OCIAD1: variants seen among roughly 807,000 people sequenced by gnomAD.
OCIAD1 encodes the protein OCIA domain containing 1.
OCIAD1 carries 29 observed loss-of-function variants against 38.9 expected under a neutral mutation model. That is an observed-to-expected ratio of 0.74 (90% CI 0.55 to 1.02). OCIAD1 has a LOEUF of 1.02. Ranked by LOEUF, OCIAD1 falls within the 50% of genes least tolerant of loss-of-function variation. OCIAD1 has a pLI of 0.00. For synonymous variants in OCIAD1, 110 were observed against 92.0 expected, an observed-to-expected ratio of 1.20 and a Z score of -1.12; for missense variants, 288 against 289.6, an observed-to-expected ratio of 0.99 and a Z score of 0.04.
chr4:48,843,045 G>A (rs1778673420), intron 4 of OCIAD1, among the ~76,000 whole-genome samples: 1 of 152,128 alleles, frequency 6.6e-6, no homozygotes, highest in African/African-American at 2.4e-5. Context: ...TAACAAATTC[G>A]AAGTGATTCT....
chr4:48,841,523 A>G (rs1398138532), intron 3 of OCIAD1, among the ~76,000 whole-genome samples: 1 of 152,152 alleles, frequency 6.6e-6, no homozygotes, highest in African/African-American at 2.4e-5. Flanking sequence ...CACAGTTTTT[A>G]TTGGGGGCTG....
chr4:48,816,365 G>C (rs1447436548), intron 1 of OCIAD1, among the ~76,000 whole-genome samples: 1 of 152,106 alleles, frequency 6.6e-6, no homozygotes, highest in Non-Finnish European at 1.5e-5. Context: ...AAGAGATTGA[G>C]ACCATCCTGG....
chr4:48,860,766 A>G lies in OCIAD1; in HGVS notation c.*4A>G, dbSNP rs1380457753. 4 of 1,602,658 alleles carry G rather than the reference A, an allele frequency of 2.5e-6. No individual in the cohort carries two copies. Among genetic ancestry groups the G allele is most frequent in the Non-Finnish European group, 3.4e-6 (4 of 1,170,534 alleles). ...TGGAGATACTTGGGATGAGTGAAAA[A>G]TTACATCATTGGACATGAAGGAGTT... On this transcript the variant is annotated 3_prime_UTR_variant, in exon 9 of 9. Transcript: ENST00000264312.
chr4:48,815,284 C>T (rs114366617), intron 1 of OCIAD1, among the ~76,000 whole-genome samples: 2,706 of 151,940 alleles, frequency 0.018, 74 homozygotes, highest in African/African-American at 0.058. Context: ...CACTCCAGCC[C>T]GGGGAACAGT....
At chr4:48,814,874 T>A (rs1777129576) in intron 1 of OCIAD1, among the ~76,000 whole-genome samples, 2 of 152,216 alleles carry the variant, frequency 1.3e-5, no homozygotes, top group Non-Finnish European at 2.9e-5. Flanking sequence ...ATATTCATAC[T>A]GACACATGGG....
rs141102948 is a variant in OCIAD1, at chr4:48,806,852, C to T, written c.-103+1522C>T. Among the ~76,000 whole-genome samples, 1,459 of 152,334 alleles carry T rather than the reference C, an allele frequency of 9.6e-3. 17 individuals carry two copies. The highest frequency in any genetic ancestry group is 0.014 in the Non-Finnish European group (959 of 68,030). ...ATCTCTTGACCTTGTGATCCACCCACCTCGGCCTCCCGAAGTGCTGGGATT... is the reference window on the plus strand; with the variant it reads ...ATCTCTTGACCTTGTGATCCACCCATCTCGGCCTCCCGAAGTGCTGGGATT... On this transcript the variant is annotated intron_variant, in intron 1 of 6. Transcript: ENST00000504654.
chr4:48,851,329 T>G (rs1779436303), intron 6 of OCIAD1, among the ~76,000 whole-genome samples: 1 of 152,236 alleles, frequency 6.6e-6, no homozygotes, highest in Non-Finnish European at 1.5e-5. Flanking sequence ...TCAGGACTTT[T>G]TAAAAGTGTT....
chr4:48,848,261 G>T, intron 4 of OCIAD1, 138 bp from the exon 5 acceptor site: 1 of 442,426 alleles, frequency 2.3e-6, no homozygotes, highest in Non-Finnish European at 4.0e-6. Context: ...AATTCATTTG[G>T]TTTTCCCTAT....
rs1482739987 is a variant in OCIAD1, at chr4:48,842,670, T to C, written c.174T>C (p.Thr58=). The C allele has an allele frequency of 6.4e-7, 1 of 1,566,946 alleles. No individual in the cohort carries two copies. The highest frequency in any genetic ancestry group is 8.7e-7 in the Non-Finnish European group (1 of 1,154,752). The change falls in exon 4 of 9, where the codon ACT becomes ACC. Residue 58 remains threonine, a synonymous_variant. Coordinates refer to ENST00000264312, the MANE Select transcript of OCIAD1 (RefSeq NM_017830.4). ...TGGCTGCAACAAGTATGTTGATTACTCAAGGATTAATTAGTAAAGGTAAAT... is the reference window on the plus strand; with the variant it reads ...TGGCTGCAACAAGTATGTTGATTACCCAAGGATTAATTAGTAAAGGTAAAT... ...VPLAATSMLI[T]QGLISKGILS...
At position 48,860,731 on chromosome 4, in the gene OCIAD1, T is replaced by C. The variant is rs1184821376; in HGVS notation, c.707T>C (p.Val236Ala). ...ATTTATGCTTTTTTCCTAGTCAAAG[T>C]AAACAAGTATGGAGATACTTGGGAT... is the stretch of plus-strand genomic sequence containing the variant. ...HERVPKKEVK[V>A]NKYGDTWDE Residue 236 changes from valine (V) to alanine (A), a missense_variant, in exon 9 of 9, where the codon GTA becomes GCA. By Grantham distance (64) the Val-to-Ala change is moderately conservative. Coordinates refer to ENST00000264312, the MANE Select transcript of OCIAD1 (RefSeq NM_017830.4). 1.9e-6 allele frequency: 3 copies of C among 1,599,286 alleles called. No individual in the cohort carries two copies. The highest frequency in any genetic ancestry group is 2.2e-5 in the South Asian group (2 of 90,318).
At chr4:48,826,745 C>A (rs942112803), upstream of OCIAD1, among the ~76,000 whole-genome samples, 3 of 151,984 alleles carry the variant, frequency 2.0e-5, no homozygotes, top group Non-Finnish European at 2.9e-5. Context: ...CAAAAAATAA[C>A]CTTCATCCAT....
At chr4:48,835,610 A>T (rs912768651) in intron 3 of OCIAD1, among the ~76,000 whole-genome samples, 24 of 151,960 alleles carry the variant, frequency 1.6e-4, no homozygotes, top group African/African-American at 5.1e-4. Context: ...TTTGTTTTTT[A>T]TTTTTGTAGA....
At chr4:48,819,086 A>T (rs1476811841) in intron 1 of OCIAD1, among the ~76,000 whole-genome samples, 1 of 151,812 alleles carries the variant, frequency 6.6e-6, no homozygotes, top group East Asian at 1.9e-4. Context: ...CCACTAAGAC[A>T]CTCCTCAAGA....
chr4:48,854,259 G>A (rs1438830430), intron 7 of OCIAD1, among the ~76,000 whole-genome samples: 3 of 152,192 alleles, frequency 2.0e-5, no homozygotes, highest in Admixed American at 6.5e-5. Flanking sequence ...TAACAGGCAT[G>A]TAGTGTAGAC....
At chr4:48,857,143 T>G (rs1193932800) in intron 7 of OCIAD1, 70 bp from the exon 8 acceptor site, 1 of 906,590 alleles carries the variant, frequency 1.1e-6, no homozygotes, top group African/African-American at 1.7e-5. Flanking sequence ...AAGGAGCATT[T>G]GTAAAATTTA....
chr4:48,818,435 A>G (rs1010819030), intron 1 of OCIAD1, among the ~76,000 whole-genome samples: 3 of 152,324 alleles, frequency 2.0e-5, no homozygotes, highest in South Asian at 2.1e-4. Flanking sequence ...AGCCTCAAAG[A>G]TCAAAGGTAG....
chr4:48,858,140 C>T (rs181626244), intron 8 of OCIAD1, among the ~76,000 whole-genome samples: 24 of 152,026 alleles, frequency 1.6e-4, no homozygotes, highest in African/African-American at 4.3e-4. Flanking sequence ...GATGACGGAG[C>T]GAGGCTCTGT....
chr4:48,834,529 G>T (rs962197254), intron 3 of OCIAD1, among the ~76,000 whole-genome samples: 2 of 152,176 alleles, frequency 1.3e-5, no homozygotes, highest in Non-Finnish European at 2.9e-5. Flanking sequence ...CAGCACTTTG[G>T]GAGGCTGAGG....
intron 1 of OCIAD1, among the ~76,000 whole-genome samples, chr4:48,812,087 AGCCTG>A (rs1375389493): frequency 6.6e-6 from 1 of 151,800 alleles, no homozygotes; most frequent in African/African-American, 2.4e-5. Context: ...GTTCAAGACC[AGCCTG>A]GCCAAGGGTG....
Sources: allele counts gnomAD v4.1 joint callset (sites outside exome capture counted in the v4.1 genomes callset), GRCh38; gene constraint gnomAD v4.1.1; transcripts MANE v1.5; gene names NCBI Gene and HGNC (gene_info 2026-07-23, HGNC 2026-07-21).